The following ARHGAP39 variants were observed in gnomAD, a reference collection of about 807,000 sequenced individuals.
ARHGAP39 encodes the protein Rho GTPase activating protein 39, also known as rho GTPase-activating protein 39.
ARHGAP39 carries 44 observed loss-of-function variants against 106.9 expected under a neutral mutation model. The observed-to-expected ratio is 0.41, with a 90% CI of 0.32 to 0.53. The LOEUF (loss-of-function observed/expected upper bound fraction) is 0.53, where lower values mean the gene tolerates loss of function less well. Ranked by LOEUF, ARHGAP39 falls within the 20% of genes least tolerant of loss-of-function variation. ARHGAP39 has a pLI of 0.21. For missense variants in ARHGAP39, 1,496 were observed against 1,577.3 expected (o/e 0.95, Z 0.87); for synonymous variants, 768 against 693.2 (o/e 1.11, Z -1.69).
At chr8:144,653,297 G>T (rs1036059458) in intron 1 of ARHGAP39, among the ~76,000 whole-genome samples, 3 of 152,072 alleles carry the variant, frequency 2.0e-5, no homozygotes, top group African/African-American at 7.3e-5. Context: ...GTGAAATTCT[G>T]TCTCAGAAAA....
chr8:144,697,794 T>C, the ARHGAP39 span, among the ~76,000 whole-genome samples: 1 of 152,250 alleles, frequency 6.6e-6, no homozygotes, highest in Middle Eastern at 3.4e-3. Context: ...ACCCGGCCTG[T>C]TTTTTCTCTT....
chr8:144,534,748 T>A (rs1219940416), intron 7 of ARHGAP39, among the ~76,000 whole-genome samples: 1 of 152,182 alleles, frequency 6.6e-6, no homozygotes, highest in Non-Finnish European at 1.5e-5. Flanking sequence ...TCTGAAGGAC[T>A]GAGGCAGCAA....
rs769429312 is a variant in ARHGAP39, at chr8:144,671,799, C to T, written c.-82+13887G>A. Among the ~76,000 whole-genome samples, 6 of 152,258 alleles carry T rather than the reference C, an allele frequency of 3.9e-5. No homozygotes were observed. Among genetic ancestry groups the T allele is most frequent in the Non-Finnish European group, 8.8e-5 (6 of 68,046 alleles). On this transcript the variant is annotated intron_variant, in intron 1 of 11. Coordinates refer to ENST00000377307, the MANE Select transcript of ARHGAP39 (RefSeq NM_025251.3). The surrounding 1 kb of genome is among the most constrained non-coding windows in gnomAD (Gnocchi z 4.5). ...GCACAACTCACTCCCGTGTCCCCCA[C>T]CAGAGGCCTGGTCTGTCTCCTCCCT...
the ARHGAP39 span, among the ~76,000 whole-genome samples, chr8:144,693,869 C>T: frequency 6.6e-6 from 1 of 152,106 alleles, no homozygotes; most frequent in Non-Finnish European, 1.5e-5. Context: ...CTAAGCCTGT[C>T]ACACAGTGCT....
chr8:144,699,810 C>A, the ARHGAP39 span, among the ~76,000 whole-genome samples: 4 of 152,118 alleles, frequency 2.6e-5, no homozygotes, highest in Non-Finnish European at 5.9e-5. Context: ...TCCACTGGAG[C>A]CCCCAGTCAC....
chr8:144,563,139 G>C (rs1268825710), intron 3 of ARHGAP39, among the ~76,000 whole-genome samples: 1 of 152,192 alleles, frequency 6.6e-6, no homozygotes, highest in African/African-American at 2.4e-5. Flanking sequence ...GATCAGAAAA[G>C]GCTTACTTAG....
At chr8:144,667,613 G>A (rs973063413) in intron 1 of ARHGAP39, among the ~76,000 whole-genome samples, 5 of 152,186 alleles carry the variant, frequency 3.3e-5, no homozygotes, top group African/African-American at 1.2e-4. Flanking sequence ...TACACCCTAA[G>A]GTCACGGAGA....
chr8:144,686,047 C>T (rs577214388), upstream of ARHGAP39, among the ~76,000 whole-genome samples: 1 of 151,938 alleles, frequency 6.6e-6, no homozygotes, highest in South Asian at 2.1e-4. Flanking sequence ...CCCGTCGCCG[C>T]GCCAGAGGCC....
intron 1 of ARHGAP39, among the ~76,000 whole-genome samples, chr8:144,662,951 A>T: frequency 7.7e-6 from 1 of 129,128 alleles, no homozygotes. Flanking sequence ...ACACCCCATT[A>T]CTCACCTTGG....
the ARHGAP39 span, among the ~76,000 whole-genome samples, chr8:144,692,793 C>T: frequency 9.5e-6 from 1 of 105,048 alleles, no homozygotes; most frequent in Admixed American, 1.3e-4. Context: ...GAGATTTACT[C>T]TTGTCCCCCA....
At chr8:144,649,073 T>C (rs1399125097) in intron 1 of ARHGAP39, among the ~76,000 whole-genome samples, 1 of 152,088 alleles carries the variant, frequency 6.6e-6, no homozygotes, top group African/African-American at 2.4e-5. Context: ...GTTGGCTTCT[T>C]GGAAAAATTA....
Position 144,671,452 on chromosome 8 carries a change from C to T in ARHGAP39, c.-82+14234G>A, listed in dbSNP as rs1193361101. Among the ~76,000 whole-genome samples, 7 of 152,162 alleles carry T rather than the reference C, an allele frequency of 4.6e-5. No individual in the cohort carries two copies. The highest frequency in any genetic ancestry group is 4.6e-4 in the Admixed American group (7 of 15,284). On this transcript the variant is annotated intron_variant, in intron 1 of 11. Transcript: ENST00000377307. This position sits in a 1 kb window ranked among gnomAD's most constrained non-coding sequence, Gnocchi z 4.5. ...TGGGGCTCAAGCTGAGAAGTGCTCC[C>T]CTTCAGGAGACAGTGTCACTCTACA...
intron 1 of ARHGAP39, among the ~76,000 whole-genome samples, chr8:144,632,991 A>G (rs1299700512): frequency 6.6e-6 from 1 of 152,186 alleles, no homozygotes. Flanking sequence ...TTCTTTTTTT[A>G]ATTAGCCAAG....
rs574581962 is a variant in ARHGAP39 at position 144,612,836 on chromosome 8, G to A, written c.-81-7141C>T. ...CCACTGCACTCCAGCCGGGGCAACA[G>A]AGTGAGATCCTGTCTCAAAAAAAAA... On this transcript the variant is annotated intron_variant, in intron 1 of 11. Coordinates refer to ENST00000377307, the MANE Select transcript of ARHGAP39 (RefSeq NM_025251.3). 3.9e-4 allele frequency among the ~76,000 whole-genome samples: 59 copies of A among 152,408 alleles called. No individual in the cohort carries two copies. In the Middle Eastern group the frequency reaches 0.01, roughly 26 times the overall value.
At chr8:144,533,506 C>T (rs971622800) in intron 8 of ARHGAP39, among the ~76,000 whole-genome samples, 181 bp from the exon 9 acceptor site, 6 of 152,330 alleles carry the variant, frequency 3.9e-5, no homozygotes, top group African/African-American at 1.2e-4. Context: ...CAGCCCTCCT[C>T]GCCCCCCAAA....
chr8:144,604,169 GC>G lies in ARHGAP39; in HGVS notation c.80+1365del, dbSNP rs1352786707. On this transcript the variant is annotated intron_variant, in intron 2 of 11. Coordinates refer to ENST00000377307, the MANE Select transcript of ARHGAP39 (RefSeq NM_025251.3). This position sits in a 1 kb window ranked among gnomAD's most constrained non-coding sequence, Gnocchi z 4.1. ...CACAAAGCATCAGACACGGAGCCGGGCCCAGAGCGCCCAGAGGTGGCCGGGA... is the reference window on the plus strand; with the variant it reads ...CACAAAGCATCAGACACGGAGCCGGGCCAGAGCGCCCAGAGGTGGCCGGGA... Among the ~76,000 whole-genome samples the G allele has an allele frequency of 3.3e-5, 5 of 152,192 alleles. No individual in the cohort carries two copies. The highest frequency in any genetic ancestry group is 7.3e-5 in the Non-Finnish European group (5 of 68,032).
Position 144,530,449 on chromosome 8 carries a change from G to A in ARHGAP39, c.3318C>T (p.Asp1106=), listed in dbSNP as rs1326579953. 18 of 1,609,208 alleles carry A rather than the reference G, an allele frequency of 1.1e-5. No homozygotes were observed. The highest frequency in any genetic ancestry group is 1.5e-5 in the Non-Finnish European group (18 of 1,178,034). Residue 1106 remains aspartate, a synonymous_variant, in exon 12 of 12, where the codon GAC becomes GAT. Transcript: ENST00000377307. ...SFLRVLIQHL[D]TSFMEGVL is the part of the protein sequence containing the mutation. ...ACAGCACACCCTCCATGAAGCTGGT[G>A]TCCAGGTGCTGGATGAGCACCCGCA...
At chr8:144,617,042 C>G (rs955141819) in intron 1 of ARHGAP39, among the ~76,000 whole-genome samples, 3 of 151,910 alleles carry the variant, frequency 2.0e-5, no homozygotes, top group African/African-American at 7.3e-5. Flanking sequence ...TTAGTCTCTA[C>G]TAAAAATACA....
the ARHGAP39 span, among the ~76,000 whole-genome samples, chr8:144,694,590 A>G: frequency 2.0e-5 from 3 of 152,206 alleles, no homozygotes; most frequent in African/African-American, 7.2e-5. Context: ...CGGTAGTAAC[A>G]ACTCCCAGAT....
Sources: allele counts gnomAD v4.1 joint callset (sites outside exome capture counted in the v4.1 genomes callset), GRCh38; gene constraint gnomAD v4.1.1; non-coding constraint Gnocchi (gnomAD v3.1); transcripts MANE v1.5; gene names NCBI Gene and HGNC (gene_info 2026-07-23, HGNC 2026-07-21).